The following TMBIM6 variants were observed in gnomAD, a reference collection of about 807,000 sequenced individuals.
TMBIM6 encodes transmembrane BAX inhibitor motif containing 6.
Under a neutral mutation model 31.4 loss-of-function variants are expected in TMBIM6, and 13 were observed. That is an observed-to-expected ratio of 0.41 (90% CI 0.27 to 0.66). The LOEUF is 0.66. TMBIM6 is among the 30% of genes least tolerant of loss of function. TMBIM6 has a pLI of 0.28. For missense variants in TMBIM6, 275 were observed against 289.5 expected (o/e 0.95, Z 0.36); for synonymous variants, 85 against 101.7 (o/e 0.84, Z 0.99).
rs1365012678 is a variant in TMBIM6 at position 49,764,534 on chromosome 12, TACTA to T, written c.*1640_*1643del. On this transcript the variant is annotated 3_prime_UTR_variant, in exon 10 of 10. Transcript: ENST00000267115. ...GCCTCCAGCCTCTGGCTTGAGAACT[TACTA>T]AAGGCACTTCCTTCCTGTTAAACCC... 1 of 152,570 alleles carries T rather than the reference TACTA, an allele frequency of 6.6e-6. No homozygotes were observed. The highest frequency in any genetic ancestry group is 1.5e-5 in the Non-Finnish European group (1 of 68,020). 9.5% of individuals were successfully genotyped at this position (152,570 alleles called of 1,614,324 possible). A position where few individuals can be genotyped will look rare whatever the true frequency, so the allele number is the denominator to read the frequency against.
At chr12:49,754,682 G>C (rs147955867) in intron 3 of TMBIM6, among the ~76,000 whole-genome samples, 12 of 152,176 alleles carry the variant, frequency 7.9e-5, no homozygotes, top group African/African-American at 2.7e-4. Flanking sequence ...AGGAACTTCA[G>C]TGTCTACGTC....
rs1945751638 is a variant in TMBIM6 at position 49,763,135 on chromosome 12, TA to T, written c.*240del. On this transcript the variant is annotated 3_prime_UTR_variant, in exon 10 of 10. Transcript: ENST00000267115. The stretch of plus-strand genomic sequence containing the variant: ...CTCCCTTTTTTGTCAACCCCATCTG[TA>T]GCCTCTTCCTCTACTCAGGCAGTCG... 1 of 410,882 alleles carries T rather than the reference TA, an allele frequency of 2.4e-6. No homozygotes were observed. Among genetic ancestry groups the T allele is most frequent in the South Asian group, 4.3e-5 (1 of 23,254 alleles). The allele number at this position is 410,882 out of a possible 1,614,324, so 25.5% of individuals were successfully genotyped here. A position where few individuals can be genotyped will look rare whatever the true frequency, so the allele number is the denominator to read the frequency against.
At chr12:49,753,535 A>G (rs368659986) in intron 3 of TMBIM6, among the ~76,000 whole-genome samples, 201 of 152,342 alleles carry the variant, frequency 1.3e-3, no homozygotes, top group South Asian at 0.011. Flanking sequence ...ACCTTCAACA[A>G]TTTGTTTTCC....
intron 3 of TMBIM6, among the ~76,000 whole-genome samples, chr12:49,754,051 A>G (rs960099845): frequency 1.3e-5 from 2 of 152,132 alleles, no homozygotes; most frequent in Admixed American, 1.3e-4. Context: ...GTTGAACAAG[A>G]CAGTGCTCTG....
intron 1 of TMBIM6, 24 bp from the exon 2 acceptor site, chr12:49,752,440 C>T (rs750141739): frequency 6.5e-7 from 1 of 1,539,704 alleles, no homozygotes; most frequent in Non-Finnish European, 8.9e-7. Context: ...GACTTAATGA[C>T]TCTAACCTTT....
At chr12:49,752,404 T>C (rs939755412) in intron 1 of TMBIM6, 60 bp from the exon 2 acceptor site, 5 of 1,233,230 alleles carry the variant, frequency 4.1e-6, no homozygotes, top group Non-Finnish European at 5.6e-6. Flanking sequence ...TTTTTTTTTT[T>C]ATAAGCTGTT....
At chr12:49,755,902 T>C in intron 4 of TMBIM6, 147 bp downstream of exon 4, 1 of 919,316 alleles carries the variant, frequency 1.1e-6, no homozygotes, top group Non-Finnish European at 1.6e-6. Flanking sequence ...GGCTTGATCT[T>C]GGCTCACTGC....
rs1300672962 is a variant in TMBIM6, at chr12:49,764,830, T to C, written c.*1934T>C. On this transcript the variant is annotated 3_prime_UTR_variant, in exon 10 of 10. Coordinates refer to ENST00000267115, the MANE Select transcript of TMBIM6 (RefSeq NM_003217.3). ...TAGTTTCTTGATTTTCAGCTCAGGC[T>C]GCATTCTAACTCATACTGTGAAGAC... is the stretch of plus-strand genomic sequence containing the variant. 1 of 152,266 alleles carries C rather than the reference T, an allele frequency of 6.6e-6. No homozygotes were observed. The highest frequency in any genetic ancestry group is 1.5e-5 in the Non-Finnish European group (1 of 68,048). The allele number at this position is 152,266 out of a possible 1,614,324, so 9.4% of individuals were successfully genotyped here.
At chr12:49,742,805 C>CT (rs1422731411) in intron 1 of TMBIM6, among the ~76,000 whole-genome samples, 2 of 152,008 alleles carry the variant, frequency 1.3e-5, no homozygotes, top group Admixed American at 6.6e-5. Context: ...TTCTTTGTGT[C>CT]TAATATTTTT....
intron 1 of TMBIM6, chr12:49,744,308 T>TA (rs1268921184): frequency 1.3e-5 from 2 of 152,172 alleles, no homozygotes; most frequent in East Asian, 3.8e-4. Context: ...GAGAAACCAT[T>TA]GAATATTCTG....
chr12:49,753,717 C>T (rs1175423499), intron 3 of TMBIM6, among the ~76,000 whole-genome samples: 2 of 152,160 alleles, frequency 1.3e-5, no homozygotes, highest in Non-Finnish European at 2.9e-5. Flanking sequence ...GAGAACTATC[C>T]TTATGTTCAG....
At chr12:49,745,490 C>T (rs974737141) in intron 1 of TMBIM6, among the ~76,000 whole-genome samples, 2 of 151,926 alleles carry the variant, frequency 1.3e-5, no homozygotes, top group Admixed American at 6.6e-5. Flanking sequence ...TTTGGGAGGC[C>T]GAGGTGGGCA....
In TMBIM6 at chr12:49,764,623, C is replaced by T. The variant is rs1272042190; in HGVS notation, c.*1727C>T. ...TAGGCCTAAGATTTTGAGTTAACAT[C>T]TCTTGAAGCCAAACTCCACCTTCTG... On this transcript the variant is annotated 3_prime_UTR_variant, in exon 10 of 10. Transcript: ENST00000267115. The T allele has an allele frequency of 1.3e-5, 2 of 148,972 alleles. No homozygotes were observed. The highest frequency in any genetic ancestry group is 5.1e-5 in the African/African-American group (2 of 38,954). 9.2% of individuals were successfully genotyped at this position (148,972 alleles called of 1,614,324 possible). A position where few individuals can be genotyped will look rare whatever the true frequency, so the allele number is the denominator to read the frequency against.
In TMBIM6 at chr12:49,763,608, T is replaced by G. The variant is rs1383650957; in HGVS notation, c.*712T>G. On this transcript the variant is annotated 3_prime_UTR_variant, in exon 10 of 10. Transcript: ENST00000267115. ...AGGAAAGACTAATTCTTGTCAGGCATTTTTGAAAAGGCTGATTATGTGTAT... is the reference window on the plus strand; with the variant it reads ...AGGAAAGACTAATTCTTGTCAGGCAGTTTTGAAAAGGCTGATTATGTGTAT... 6.6e-6 allele frequency: 1 copy of G among 152,272 alleles called. No homozygotes were observed. Among genetic ancestry groups the G allele is most frequent in the Non-Finnish European group, 1.5e-5 (1 of 68,058 alleles). 9.4% of individuals were successfully genotyped at this position (152,272 alleles called of 1,614,324 possible).
At chr12:49,745,194 GCAT>G (rs1945368085) in intron 1 of TMBIM6, among the ~76,000 whole-genome samples, 1 of 151,974 alleles carries the variant, frequency 6.6e-6, no homozygotes, top group African/African-American at 2.4e-5. Context: ...GGCAGGGAAA[GCAT>G]CAAGCTTTTG....
In TMBIM6 at chr12:49,764,879, A is replaced by G. The variant is rs1392256381; in HGVS notation, c.*1983A>G. The G allele has an allele frequency of 6.6e-6, 1 of 152,192 alleles. No homozygotes were observed. Among genetic ancestry groups the G allele is most frequent in the East Asian group, 1.9e-4 (1 of 5,202 alleles). 9.4% of individuals were successfully genotyped at this position (152,192 alleles called of 1,614,324 possible). A position where few individuals can be genotyped will look rare whatever the true frequency, so the allele number is the denominator to read the frequency against. On this transcript the variant is annotated 3_prime_UTR_variant, in exon 10 of 10. Coordinates refer to ENST00000267115, the MANE Select transcript of TMBIM6 (RefSeq NM_003217.3). Reference sequence around the variant, plus strand: ...ACAAAGGTGTTTTTGATTCAGAAATATATGAAATCTGCATAGTCTTAATTT... The same window carrying G: ...ACAAAGGTGTTTTTGATTCAGAAATGTATGAAATCTGCATAGTCTTAATTT...
chr12:49,755,695 CAT>C lies in TMBIM6; in HGVS notation c.228_229del (p.His76GlnfsTer3). 1 of 1,614,172 alleles carries C rather than the reference CAT, an allele frequency of 6.2e-7. No homozygotes were observed. Among genetic ancestry groups the C allele is most frequent in the Non-Finnish European group, 8.5e-7 (1 of 1,179,994 alleles). On this transcript the variant is annotated frameshift_variant, in exon 4 of 10. Transcript: ENST00000267115. LOFTEE classifies it high-confidence loss of function. ...ILMIWLMATP[H>X]SHETEQKRLG... ...GATGATTTGGCTGATGGCAACACCTCATAGCCATGAAACTGAACAGAAAAGAC... is the reference window on the plus strand; with the variant it reads ...GATGATTTGGCTGATGGCAACACCTCAGCCATGAAACTGAACAGAAAAGAC...
At chr12:49,742,647 A>T (rs1945318592) in intron 1 of TMBIM6, 4 of 169,788 alleles carry the variant, frequency 2.4e-5, no homozygotes, top group Non-Finnish European at 5.1e-5. Flanking sequence ...TTACTTATTG[A>T]TATTTATTTA....
intron 1 of TMBIM6, chr12:49,742,383 C>T: frequency 1.4e-6 from 2 of 1,422,580 alleles, no homozygotes; most frequent in Non-Finnish European, 9.4e-7. Context: ...GGCCTACTTG[C>T]TGGACCTGTG....
Sources: gnomAD v4.1 joint callset for allele counts (sites outside exome capture counted in the v4.1 genomes callset) on GRCh38, gnomAD v4.1.1 for gene constraint, MANE v1.5 for transcripts, NCBI Gene and HGNC (gene_info 2026-07-23, HGNC 2026-07-21) for gene names.